The following LIG1 variants were observed in gnomAD, a reference collection of about 807,000 sequenced individuals.
LIG1 encodes DNA ligase 1, also known as ligase I, DNA, ATP-dependent.
In LIG1, 70 loss-of-function variants were observed where a neutral mutation model predicts 115.7. That is an observed-to-expected ratio of 0.60 (90% confidence interval 0.50 to 0.74). The LOEUF is 0.74. Among genes scored for constraint, LIG1 ranks in the 30% least tolerant of loss-of-function variants. The pLI, the probability that LIG1 is intolerant of heterozygous loss-of-function variation, is 0.00. For synonymous variants in LIG1, 487 were observed against 495.3 expected (o/e 0.98, Z 0.22); for missense variants, 1,115 against 1,225.6 (o/e 0.91, Z 1.35).
At chr19:48,128,494 G>A (rs938443051) in intron 19 of LIG1, among the ~76,000 whole-genome samples, 6 of 152,244 alleles carry the variant, frequency 3.9e-5, no homozygotes, top group East Asian at 3.9e-4. Context: ...GGACTCTCCC[G>A]GGTCAGCCTG....
intron 15 of LIG1, 41 bp from the exon 16 acceptor site, chr19:48,135,820 T>A: frequency 6.4e-7 from 1 of 1,551,078 alleles, no homozygotes. Flanking sequence ...GGCACCCACA[T>A]CCTTGGCTAC....
At chr19:48,149,541 C>A (rs1037286334) in intron 9 of LIG1, among the ~76,000 whole-genome samples, 1 of 152,174 alleles carries the variant, frequency 6.6e-6, no homozygotes, top group Non-Finnish European at 1.5e-5. Context: ...TCAGCAAACT[C>A]CGACCCTGGA....
Position 48,140,116 on chromosome 19 carries a change from G to A in LIG1, c.942C>T (p.Asn314=). The change falls in exon 12 of 28, where the codon AAC becomes AAT. Residue 314 remains asparagine, a synonymous_variant. Coordinates refer to ENST00000263274, the MANE Select transcript of LIG1 (RefSeq NM_000234.3). ...ACAGGGCCACCACGGAGCGCAGCAA[G>A]TTGCTCAGCGTCTCCACCATCCGGA... ...ARLRMVETLS[N]LLRSVVALSP... 1.2e-6 allele frequency: 2 copies of A among 1,613,618 alleles called. No homozygotes were observed. Among genetic ancestry groups the A allele is most frequent in the Non-Finnish European group, 8.5e-7 (1 of 1,179,982 alleles).
chr19:48,124,767 C>T (rs1005113690), intron 21 of LIG1, among the ~76,000 whole-genome samples: 2 of 152,104 alleles, frequency 1.3e-5, no homozygotes, highest in Non-Finnish European at 1.5e-5. Context: ...GTAATCTCAG[C>T]GCTTTGGAAA....
Position 48,120,547 on chromosome 19 carries a change from A to G in LIG1, c.2385+623T>C, listed in dbSNP as rs895800286. ...TAAGAAAATCTAGTCCAAAATGTGC[A>G]CAGCTTTAAGAAAAACTTTAACTTG... On this transcript the variant is annotated intron_variant, in intron 24 of 27. Coordinates refer to ENST00000263274, the MANE Select transcript of LIG1 (RefSeq NM_000234.3). The G allele has an allele frequency of 5.1e-6, 5 of 985,200 alleles. No homozygotes were observed. The African/African-American group carries it at 7.0e-5, about 14-fold the overall frequency. 61.0% of individuals were successfully genotyped at this position (985,200 alleles called of 1,614,324 possible).
chr19:48,169,130 TC>T (rs146276944), intron 1 of LIG1, among the ~76,000 whole-genome samples: 3,802 of 152,294 alleles, frequency 0.025, 71 homozygotes, highest in Non-Finnish European at 0.041. Flanking sequence ...AATATATGAT[TC>T]CATTTACATA....
At chr19:48,145,137 G>A (rs184008388) in intron 9 of LIG1, among the ~76,000 whole-genome samples, 89 of 152,244 alleles carry the variant, frequency 5.8e-4, no homozygotes, top group South Asian at 2.1e-3. Context: ...GGACTTAAGC[G>A]ATCCTCCCAC....
intron 18 of LIG1, among the ~76,000 whole-genome samples, chr19:48,131,808 A>G (rs1317168494): frequency 6.6e-6 from 1 of 151,984 alleles, no homozygotes; most frequent in Non-Finnish European, 1.5e-5. Flanking sequence ...AGCATCTTAT[A>G]TGTTTGTTAT....
chr19:48,124,426 T>C (rs1030544477), intron 21 of LIG1, among the ~76,000 whole-genome samples: 3 of 152,156 alleles, frequency 2.0e-5, no homozygotes, highest in Admixed American at 2.0e-4. Flanking sequence ...CAGCAATACC[T>C]ACTCAGGGCA....
chr19:48,131,953 TA>T (rs1350361169), intron 18 of LIG1, among the ~76,000 whole-genome samples: 70 of 113,138 alleles, frequency 6.2e-4, no homozygotes, highest in East Asian at 2.3e-3. Context: ...TTTTTTTTTT[TA>T]AAAGATGGAG....
At chr19:48,121,591 C>T (rs2033280436) in intron 23 of LIG1, among the ~76,000 whole-genome samples, 1 of 152,102 alleles carries the variant, frequency 6.6e-6, no homozygotes, top group South Asian at 2.1e-4. Context: ...CACCTGAGGT[C>T]GGGAGTTCGA....
intron 3 of LIG1, 90 bp downstream of exon 3, chr19:48,162,172 G>A (rs2036217457): frequency 6.3e-6 from 8 of 1,278,886 alleles, no homozygotes; most frequent in South Asian, 2.4e-5. Flanking sequence ...TGGGCCCCAA[G>A]ACATTTTGCA....
rs373086292 is a variant in LIG1 at position 48,123,015 on chromosome 19, G to T, written c.2151C>A (p.Asp717Glu). The stretch of plus-strand genomic sequence containing the variant: ...TCTTCACCATCAGCCCCTCGCAGGA[G>T]TCTGAGGGAGACACAGAAGCGTGGT... ...IAEFLEQSVK[D>E]SCEGLMVKTL... The change falls in exon 23 of 28, where the codon GAC becomes GAA. Residue 717 changes from aspartate (D) to glutamate (E), a missense_variant and splice_region_variant. Coordinates refer to ENST00000263274, the MANE Select transcript of LIG1 (RefSeq NM_000234.3). 2.5e-6 allele frequency: 4 copies of T among 1,613,872 alleles called. No homozygotes were observed. The highest frequency in any genetic ancestry group is 3.4e-6 in the Non-Finnish European group (4 of 1,179,902).
Position 48,154,273 on chromosome 19 carries a change from C to T in LIG1, c.371-306G>A, listed in dbSNP as rs1017429349. 7 of 378,946 alleles carry T rather than the reference C, an allele frequency of 1.8e-5. No homozygotes were observed. In the Admixed American group the frequency reaches 2.6e-4, roughly 14 times the overall value. The allele number at this position is 378,946 out of a possible 1,614,324, so 23.5% of individuals were successfully genotyped here. On this transcript the variant is annotated intron_variant, in intron 5 of 27. Transcript: ENST00000263274. The stretch of plus-strand genomic sequence containing the variant: ...CACAGTACCGATTCCAGCAGGTCCC[C>T]TGAGCTCCCCACTGCTCCCCTCAGA...
In LIG1 at chr19:48,136,033, C is replaced by A; in HGVS notation, c.1423+1G>T. Reference sequence around the variant, plus strand: ...TGCAGAGACGGGCCACAGGAGCTCACCTTGGCCCGGGGGCGTGAGGCTCAC... The same window carrying A: ...TGCAGAGACGGGCCACAGGAGCTCAACTTGGCCCGGGGGCGTGAGGCTCAC... On this transcript the variant is annotated splice_donor_variant, in intron 15 of 27. Transcript: ENST00000263274. LOFTEE classifies it high-confidence loss of function. 4.5e-6 allele frequency: 7 copies of A among 1,560,512 alleles called. No homozygotes were observed. The highest frequency in any genetic ancestry group is 6.1e-6 in the Non-Finnish European group (7 of 1,152,980).
At chr19:48,161,772 C>G (rs2036190289) in intron 3 of LIG1, among the ~76,000 whole-genome samples, 1 of 151,522 alleles carries the variant, frequency 6.6e-6, no homozygotes, top group African/African-American at 2.4e-5. Flanking sequence ...TGCTGAGGAG[C>G]AAATGGAGTC....
At position 48,166,979 on chromosome 19, in the gene LIG1, GA is replaced by G. The variant is rs1303657587; in HGVS notation, c.-57-1357del. Among the ~76,000 whole-genome samples the G allele has an allele frequency of 1.9e-3, 227 of 117,086 alleles. 1 individual carries two copies. The highest frequency in any genetic ancestry group is 3.5e-3 in the Admixed American group (42 of 11,952). 76.8% of individuals were successfully genotyped at this position (117,086 alleles called of 152,430 possible). On this transcript the variant is annotated intron_variant, in intron 1 of 27. Coordinates refer to ENST00000263274, the MANE Select transcript of LIG1 (RefSeq NM_000234.3). ...TGTCTCAAAAAAAAAAAAAAAGAAAGAAAAAGAAAGAAAAAGAAAAAGAAAA... is the reference window on the plus strand; with the variant it reads ...TGTCTCAAAAAAAAAAAAAAAGAAAGAAAAGAAAGAAAAAGAAAAAGAAAA...
chr19:48,135,643 C>G, intron 16 of LIG1, 37 bp downstream of exon 16: 1 of 1,539,172 alleles, frequency 6.5e-7, no homozygotes, highest in South Asian at 1.1e-5. Context: ...ACTCTGCCCA[C>G]AGCCCCTGGC....
intron 12 of LIG1, among the ~76,000 whole-genome samples, chr19:48,139,316 A>C (rs577448362): frequency 6.6e-6 from 1 of 152,226 alleles, no homozygotes; most frequent in African/African-American, 2.4e-5. Flanking sequence ...CCATCCAGTC[A>C]CCCAGGGAGA....
Sources: gnomAD v4.1 joint callset for allele counts (sites outside exome capture counted in the v4.1 genomes callset) on GRCh38, gnomAD v4.1.1 for gene constraint, MANE v1.5 for transcripts, NCBI Gene and HGNC (gene_info 2026-07-23, HGNC 2026-07-21) for gene names.